The following CRNKL1 variants were observed in gnomAD, a reference collection of about 807,000 sequenced individuals.
CRNKL1 encodes crooked neck pre-mRNA splicing factor 1.
CRNKL1 carries 35 observed loss-of-function variants against 103.7 expected under a neutral mutation model. The observed-to-expected ratio is 0.34, with a 90% CI of 0.26 to 0.45. The LOEUF (loss-of-function observed/expected upper bound fraction) is 0.45. Among genes scored for constraint, CRNKL1 ranks in the 20% least tolerant of loss-of-function variants. CRNKL1 has a pLI of 1.00. For synonymous variants in CRNKL1, 267 were observed against 282.6 expected (o/e 0.94, Z 0.55); for missense variants, 645 against 836.0 (o/e 0.77, Z 2.82).
rs1432221909 is a variant in CRNKL1 at position 20,049,480 on chromosome 20, G to A, written c.205-49C>T. 3 of 934,394 alleles carry A rather than the reference G, an allele frequency of 3.2e-6. No homozygotes were observed. In the East Asian group the frequency reaches 7.2e-5, roughly 22 times the overall value. The allele number at this position is 934,394 out of a possible 1,614,324, so 57.9% of individuals were successfully genotyped here. A position where few individuals can be genotyped will look rare whatever the true frequency, so the allele number is the denominator to read the frequency against. On this transcript the variant is annotated intron_variant, in intron 2 of 13. Transcript: ENST00000536226. ...AGTCAAAAGACAAATGACTAAAAAT[G>A]ACAGCACCCTTGGTCTATTTTAAGT...
Position 20,045,455 on chromosome 20 carries a change from C to G in CRNKL1, c.654G>C (p.Trp218Cys). 6.2e-7 allele frequency: 1 copy of G among 1,611,744 alleles called. No homozygotes were observed. Among genetic ancestry groups the G allele is most frequent in the Non-Finnish European group, 8.5e-7 (1 of 1,178,866 alleles). ...TTTCTTCAAAGCGGGCATACTTGATCCAGTTCTTAACATCAGGGTGCACGA... is the reference window on the plus strand; with the variant it reads ...TTTCTTCAAAGCGGGCATACTTGATGCAGTTCTTAACATCAGGGTGCACGA... Reference protein sequence around the residue: ...FVLVHPDVKNWIKYARFEEKH... With the variant: ...FVLVHPDVKNCIKYARFEEKH... Residue 218 changes from tryptophan (W) to cysteine (C), a missense_variant, in exon 6 of 14, where the codon TGG (tryptophan) becomes TGC (cysteine). Trp to Cys is a radical substitution (Grantham distance 215). Around this residue, in one of 2 missense-constraint regions of CRNKL1, gnomAD observed 582 missense variants for 707.7 expected, o/e 0.82. Coordinates refer to ENST00000536226, the MANE Select transcript of CRNKL1 (RefSeq NM_001278628.2).
Position 20,036,061 on chromosome 20 carries a change from A to G in CRNKL1, c.*134T>C. 1.1e-6 allele frequency: 1 copy of G among 926,818 alleles called. No individual in the cohort carries two copies. Among genetic ancestry groups the G allele is most frequent in the Non-Finnish European group, 1.6e-6 (1 of 640,226 alleles). 57.4% of individuals were successfully genotyped at this position (926,818 alleles called of 1,614,324 possible). On this transcript the variant is annotated 3_prime_UTR_variant, in exon 14 of 14. Coordinates refer to ENST00000536226, the MANE Select transcript of CRNKL1 (RefSeq NM_001278628.2). The stretch of plus-strand genomic sequence containing the variant: ...TAGCTAACCCAAGAGCATTTAAAAA[A>G]TAACTTAAAAAGTAGCCATCAAAGA...
chr20:20,052,403 A>C lies in CRNKL1; in HGVS notation c.-61T>G. On this transcript the variant is annotated 5_prime_UTR_variant, in exon 1 of 14. Coordinates refer to ENST00000536226, the MANE Select transcript of CRNKL1 (RefSeq NM_001278628.2). The stretch of plus-strand genomic sequence containing the variant: ...GCACGGACGCTAGAAATCGGCTCTG[A>C]GAGCTCACCGAAACCACAAAGCTTT... 6.2e-7 allele frequency: 1 copy of C among 1,614,190 alleles called. No homozygotes were observed. The highest frequency in any genetic ancestry group is 8.5e-7 in the Non-Finnish European group (1 of 1,180,034).
chr20:20,047,966 T>C (rs778497007), intron 4 of CRNKL1, 35 bp from the exon 5 acceptor site: 1 of 1,593,560 alleles, frequency 6.3e-7, no homozygotes, highest in Non-Finnish European at 8.6e-7. Context: ...TCTGCTGTGG[T>C]TTAGTTCTTC....
chr20:20,052,772 G>A (rs1040661737), upstream of CRNKL1: 8 of 1,523,768 alleles, frequency 5.3e-6, no homozygotes, highest in African/African-American at 1.4e-5. Flanking sequence ...GAGGGCGGGG[G>A]AAGAAGGGAG....
chr20:20,046,848 A>T, intron 5 of CRNKL1, among the ~76,000 whole-genome samples: 1 of 152,248 alleles, frequency 6.6e-6, no homozygotes, highest in East Asian at 1.9e-4. Context: ...GCATGTCCAC[A>T]AATGACTGTG....
intron 11 of CRNKL1, among the ~76,000 whole-genome samples, chr20:20,038,899 G>A (rs1012635257): frequency 6.6e-6 from 1 of 152,150 alleles, no homozygotes. Flanking sequence ...GCACTGGCTC[G>A]GTGCAGCCTG....
rs2146476998 is a variant in CRNKL1, at chr20:20,035,284, G to GATAC, written c.*907_*910dup. 1.3e-5 allele frequency: 2 copies of GATAC among 152,254 alleles called. No individual in the cohort carries two copies. The highest frequency in any genetic ancestry group is 3.9e-4 in the East Asian group (2 of 5,180). The allele number at this position is 152,254 out of a possible 1,614,324, so 9.4% of individuals were successfully genotyped here. On this transcript the variant is annotated 3_prime_UTR_variant, in exon 14 of 14. Coordinates refer to ENST00000536226, the MANE Select transcript of CRNKL1 (RefSeq NM_001278628.2). ...ATAATATGGCAACATTGCTACTGGA[G>GATAC]ATACATAATGTACAGAAGCCTAACT...
At chr20:20,039,493 G>A in intron 11 of CRNKL1, 116 bp downstream of exon 11, 1 of 1,279,836 alleles carries the variant, frequency 7.8e-7, no homozygotes, top group Admixed American at 2.0e-5. Context: ...GAGTAGAAGA[G>A]ACTAAGTTAG....
rs751212480 is a variant in CRNKL1 at position 20,043,550 on chromosome 20, C to T, written c.914G>A (p.Arg305Gln). 26 of 1,613,918 alleles carry T rather than the reference C, an allele frequency of 1.6e-5. No individual in the cohort carries two copies. Among genetic ancestry groups the T allele is most frequent in the African/African-American group, 2.7e-5 (2 of 74,874 alleles). ...TIFEKKFGDR[R>Q]GIEDIIVSKR... is the part of the protein sequence containing the mutation. Reference sequence around the variant, plus strand: ...GCTCACAATGATATCTTCAATACCCCGCCTATCACCAAACTTCTTCTCAAA... The same window carrying T: ...GCTCACAATGATATCTTCAATACCCTGCCTATCACCAAACTTCTTCTCAAA... The change falls in exon 7 of 14, where the codon CGG (arginine) becomes CAG (glutamine). Residue 305 changes from arginine (R) to glutamine (Q), a missense_variant. By Grantham distance (43) the Arg-to-Gln change is conservative. This residue lies in a region of CRNKL1 where 582 missense variants were observed against 707.7 expected (regional missense o/e 0.82). Transcript: ENST00000536226.
In CRNKL1 at chr20:20,045,441, C is replaced by A. The variant is rs569744749; in HGVS notation, c.668G>T (p.Arg223Leu). The change falls in exon 6 of 14, where the codon CGC (arginine) becomes CTC (leucine). Residue 223 changes from arginine (R) to leucine (L), a missense_variant. Physicochemically the swap from Arg to Leu is moderately radical, Grantham distance 102. Around this residue, in one of 2 missense-constraint regions of CRNKL1, gnomAD observed 582 missense variants for 707.7 expected, o/e 0.82. Coordinates refer to ENST00000536226, the MANE Select transcript of CRNKL1 (RefSeq NM_001278628.2). ...AAAATAAGCATGTTTTTCTTCAAAG[C>A]GGGCATACTTGATCCAGTTCTTAAC... ...PDVKNWIKYA[R>L]FEEKHAYFAH... 2.5e-6 allele frequency: 4 copies of A among 1,612,460 alleles called. No individual in the cohort carries two copies. The highest frequency in any genetic ancestry group is 3.4e-6 in the Non-Finnish European group (4 of 1,179,450).
intron 7 of CRNKL1, among the ~76,000 whole-genome samples, chr20:20,042,798 T>C (rs2043536784): frequency 1.3e-5 from 2 of 152,256 alleles, no homozygotes; most frequent in Admixed American, 1.3e-4. Context: ...ATGCCTATTC[T>C]TGCCAATGCA....
At chr20:20,038,892 C>T (rs1325333844) in intron 11 of CRNKL1, among the ~76,000 whole-genome samples, 3 of 152,194 alleles carry the variant, frequency 2.0e-5, no homozygotes, top group African/African-American at 7.2e-5. Flanking sequence ...CAGGTGCGCA[C>T]TGGCTCGGTG....
intron 3 of CRNKL1, 73 bp downstream of exon 3, chr20:20,049,267 T>C (rs2043645597): frequency 3.3e-6 from 3 of 916,226 alleles, no homozygotes; most frequent in South Asian, 3.2e-5. Context: ...GCTTTAACTT[T>C]TTCTTCTTTT....
intron 8 of CRNKL1, 112 bp from the exon 9 acceptor site, chr20:20,041,737 T>A (rs992013829): frequency 2.7e-6 from 2 of 739,844 alleles, no homozygotes; most frequent in Non-Finnish European, 4.6e-6. Context: ...CAAAACAGCA[T>A]GTTTCACAAG....
At position 20,038,452 on chromosome 20, in the gene CRNKL1, T is replaced by C; in HGVS notation, c.1546-2A>G. The C allele has an allele frequency of 6.5e-7, 1 of 1,540,544 alleles. No individual in the cohort carries two copies. Among genetic ancestry groups the C allele is most frequent in the Non-Finnish European group, 8.8e-7 (1 of 1,136,972 alleles). ...ATCAATATATGATTTCCAAAGCACC[T>C]AAGGAAGAAAAGTAAATGGGTCAGT... On this transcript the variant is annotated splice_acceptor_variant, in intron 11 of 13. Coordinates refer to ENST00000536226, the MANE Select transcript of CRNKL1 (RefSeq NM_001278628.2). LOFTEE classifies it high-confidence loss of function.
chr20:20,045,619 A>T, intron 5 of CRNKL1, 133 bp from the exon 6 acceptor site: 1 of 729,032 alleles, frequency 1.4e-6, no homozygotes, highest in East Asian at 2.7e-5. Context: ...AACAAAACAC[A>T]TACAAAAGTG....
At chr20:20,051,670 G>A (rs563732610) in intron 1 of CRNKL1, among the ~76,000 whole-genome samples, 6 of 152,318 alleles carry the variant, frequency 3.9e-5, no homozygotes, top group Admixed American at 3.9e-4. Flanking sequence ...GAGGGTATCT[G>A]TAAAGGCTTC....
At chr20:20,048,016 T>A in intron 4 of CRNKL1, 85 bp from the exon 5 acceptor site, 1 of 1,390,400 alleles carries the variant, frequency 7.2e-7, no homozygotes, top group Non-Finnish European at 9.9e-7. Flanking sequence ...TTTACCTTTC[T>A]TAAAGGTTAA....
Sources: gnomAD v4.1 joint callset for allele counts (sites outside exome capture counted in the v4.1 genomes callset) on GRCh38, gnomAD v4.1.1 for gene constraint, gnomAD v4.1.1 regional missense constraint, MANE v1.5 for transcripts, NCBI Gene and HGNC (gene_info 2026-07-23, HGNC 2026-07-21) for gene names.